Variants in ACSS3 observed in about 807,000 individuals in gnomAD.
ACSS3 encodes acyl-CoA synthetase short-chain family member 3, mitochondrial.
A neutral mutation model predicts 84.2 loss-of-function variants in ACSS3; 64 were observed. That is an observed-to-expected ratio of 0.76 (90% CI 0.62 to 0.94). The LOEUF (loss-of-function observed/expected upper bound fraction) is 0.94, where lower values mean the gene tolerates loss of function less well. Among genes scored for constraint, ACSS3 ranks in the 40% least tolerant of loss-of-function variants. The pLI, the probability that ACSS3 is intolerant of heterozygous loss-of-function variation, is 0.00. For missense variants in ACSS3, 815 were observed against 867.6 expected, an observed-to-expected ratio of 0.94 and a Z score of 0.76; for synonymous variants, 317 against 310.1, an observed-to-expected ratio of 1.02 and a Z score of -0.23.
chr12:81,109,780 GA>G, intron 2 of ACSS3, 76 bp downstream of exon 2: 1 of 1,229,812 alleles, frequency 8.1e-7, no homozygotes. Context: ...TCTCATTGTA[GA>G]GCCTTCAATT....
At chr12:81,162,074 C>T (rs1056326581) in intron 7 of ACSS3, among the ~76,000 whole-genome samples, 1 of 152,136 alleles carries the variant, frequency 6.6e-6, no homozygotes, top group Non-Finnish European at 1.5e-5. Flanking sequence ...GGACGGAGGC[C>T]GTGTTTCAGC....
chr12:81,132,641 TG>T (rs1163851994), intron 2 of ACSS3, among the ~76,000 whole-genome samples: 3 of 152,238 alleles, frequency 2.0e-5, no homozygotes, highest in Non-Finnish European at 2.9e-5. Flanking sequence ...AGTTCTGCTC[TG>T]ATCTTAGTTA....
intron 8 of ACSS3, among the ~76,000 whole-genome samples, chr12:81,197,466 A>T (rs1305378622): frequency 6.6e-6 from 1 of 152,054 alleles, no homozygotes; most frequent in African/African-American, 2.4e-5. Context: ...AGTTCATGCT[A>T]TCTCTTTGTA....
intron 2 of ACSS3, among the ~76,000 whole-genome samples, chr12:81,134,304 G>A (rs915808771): frequency 2.6e-5 from 4 of 152,054 alleles, no homozygotes; most frequent in Non-Finnish European, 5.9e-5. Context: ...TAATATAGTA[G>A]AATTTGTCTT....
At chr12:81,169,421 G>C (rs1887552665) in intron 7 of ACSS3, among the ~76,000 whole-genome samples, 1 of 152,106 alleles carries the variant, frequency 6.6e-6, no homozygotes, top group Non-Finnish European at 1.5e-5. Flanking sequence ...GAGTTATAGA[G>C]AAAGGGGCAT....
At chr12:81,167,082 C>T (rs945196517) in intron 7 of ACSS3, among the ~76,000 whole-genome samples, 2 of 152,210 alleles carry the variant, frequency 1.3e-5, no homozygotes, top group South Asian at 2.1e-4. Context: ...TCTGTGACTA[C>T]TGAGAATGTT....
chr12:81,228,293 G>A (rs1253938654), intron 11 of ACSS3, among the ~76,000 whole-genome samples: 1 of 151,750 alleles, frequency 6.6e-6, no homozygotes, highest in African/African-American at 2.4e-5. Context: ...TGCACCCCAT[G>A]GTGTGTTATT....
chr12:81,192,037 T>C (rs1304032595), intron 8 of ACSS3, among the ~76,000 whole-genome samples: 3 of 152,220 alleles, frequency 2.0e-5, no homozygotes, highest in African/African-American at 4.8e-5. Flanking sequence ...TTTTTTCTTT[T>C]GAGAGTTTAA....
At chr12:81,231,035 A>G (rs766580619) in intron 11 of ACSS3, 22 bp from the exon 12 acceptor site, 2 of 1,569,842 alleles carry the variant, frequency 1.3e-6, no homozygotes, top group Non-Finnish European at 1.7e-6. Flanking sequence ...TCATAATTTT[A>G]ACTTCTCTGT....
intron 7 of ACSS3, among the ~76,000 whole-genome samples, chr12:81,171,121 AT>A (rs2030007992): frequency 6.6e-6 from 1 of 152,238 alleles, no homozygotes; most frequent in South Asian, 2.1e-4. Context: ...ACACATGAGA[AT>A]GTATGTTCCA....
At chr12:81,199,265 A>C in intron 8 of ACSS3, 76 bp from the exon 9 acceptor site, 1 of 1,304,088 alleles carries the variant, frequency 7.7e-7, no homozygotes, top group Non-Finnish European at 1.1e-6. Flanking sequence ...GTGGTTAACC[A>C]ATGTTTTTAA....
At chr12:81,130,348 G>A (rs1490710665) in intron 2 of ACSS3, among the ~76,000 whole-genome samples, 4 of 152,212 alleles carry the variant, frequency 2.6e-5, no homozygotes, top group Admixed American at 1.3e-4. Context: ...TCTCATTGTG[G>A]TTTTGATTTG....
chr12:81,180,585 G>T lies in ACSS3; in HGVS notation c.1250+5646G>T, dbSNP rs1286643067. Among the ~76,000 whole-genome samples the T allele has an allele frequency of 3.3e-5, 5 of 152,042 alleles. No homozygotes were observed. The East Asian group carries it at 7.8e-4, about 24-fold the overall frequency. ...GGCTGGAGTGCAGTGGCATGATCTT[G>T]GCTCATTGCAACATTTGCCTCCCAG... On this transcript the variant is annotated intron_variant, in intron 8 of 15. Coordinates refer to ENST00000548058, the MANE Select transcript of ACSS3 (RefSeq NM_024560.4).
chr12:81,134,318 T>C (rs972891574), intron 2 of ACSS3, among the ~76,000 whole-genome samples: 2 of 152,178 alleles, frequency 1.3e-5, no homozygotes, highest in African/African-American at 4.8e-5. Flanking sequence ...TTGTCTTATT[T>C]GCTTTATTAG....
At chr12:81,084,253 A>T (rs1881176209) in intron 1 of ACSS3, among the ~76,000 whole-genome samples, 1 of 152,204 alleles carries the variant, frequency 6.6e-6, no homozygotes, top group Non-Finnish European at 1.5e-5. Context: ...GCCAAGTTTG[A>T]CTTCAGATTT....
At position 81,251,668 on chromosome 12, in the gene ACSS3, C is replaced by CAAAAAAAAAAAAAAA. The variant is rs71098134; in HGVS notation, c.1720-1637_1720-1623dup. Reference sequence around the variant, plus strand: ...GGAACATGGCGAAACCCCATCTCTACAAAAAAAAAAAAAAAATACAAAAAT... The same window carrying CAAAAAAAAAAAAAAA: ...GGAACATGGCGAAACCCCATCTCTACAAAAAAAAAAAAAAAAAAAAAAAAAAAAAAATACAAAAAT... On this transcript the variant is annotated intron_variant, in intron 13 of 15. Coordinates refer to ENST00000548058, the MANE Select transcript of ACSS3 (RefSeq NM_024560.4). 6.9e-3 allele frequency among the ~76,000 whole-genome samples: 604 copies of CAAAAAAAAAAAAAAA among 87,656 alleles called. 32 individuals carry two copies. The highest frequency in any genetic ancestry group is 0.019 in the African/African-American group (482 of 24,996). The allele number at this position is 87,656 out of a possible 152,430, so 57.5% of individuals were successfully genotyped here.
chr12:81,225,882 G>T (rs2033257837), intron 11 of ACSS3, among the ~76,000 whole-genome samples: 2 of 151,860 alleles, frequency 1.3e-5, no homozygotes, highest in African/African-American at 4.8e-5. Flanking sequence ...CAAGGCAATT[G>T]AATAATTCCT....
chr12:81,218,076 A>T (rs528685581), intron 10 of ACSS3, among the ~76,000 whole-genome samples: 5 of 152,168 alleles, frequency 3.3e-5, no homozygotes, highest in Non-Finnish European at 7.4e-5. Flanking sequence ...TTATTTCTAA[A>T]TAAGAGTAAC....
At chr12:81,154,548 C>T (rs753223617) in intron 7 of ACSS3, among the ~76,000 whole-genome samples, 1 of 152,192 alleles carries the variant, frequency 6.6e-6, no homozygotes, top group Non-Finnish European at 1.5e-5. Flanking sequence ...TCTTTTAGAC[C>T]TTTGCCTGCT....
Sources: gnomAD v4.1 joint callset for allele counts (sites outside exome capture counted in the v4.1 genomes callset) on GRCh38, gnomAD v4.1.1 for gene constraint, MANE v1.5 for transcripts, NCBI Gene and HGNC (gene_info 2026-07-23, HGNC 2026-07-21) for gene names.